CCDC85C: variants seen among roughly 807,000 people sequenced by gnomAD.
CCDC85C encodes the protein coiled-coil domain-containing protein 85C.
In CCDC85C, 18 loss-of-function variants were observed where a neutral mutation model predicts 38.3. The ratio of observed to expected loss-of-function variants is 0.47; its 90% CI spans 0.33 to 0.70. The LOEUF is 0.70. CCDC85C is among the 30% of genes least tolerant of loss of function. CCDC85C has a pLI of 0.03. For missense variants in CCDC85C, 566 were observed against 621.2 expected (o/e 0.91, Z 0.94); for synonymous variants, 264 against 293.8 (o/e 0.90, Z 1.04).
At chr14:99,587,512 A>G (rs528796669) in intron 1 of CCDC85C, among the ~76,000 whole-genome samples, 2 of 152,292 alleles carry the variant, frequency 1.3e-5, no homozygotes, top group African/African-American at 4.8e-5. Context: ...CCAAGGGTCT[A>G]CCTCACAGGG....
In CCDC85C at chr14:99,520,760, C is replaced by A. The variant is rs968467802; in HGVS notation, c.975+1373G>T. On this transcript the variant is annotated intron_variant, in intron 3 of 5. Coordinates refer to ENST00000380243, the MANE Select transcript of CCDC85C (RefSeq NM_001144995.2). The surrounding 1 kb of genome is among the most constrained non-coding windows in gnomAD (Gnocchi z 4.1). ...GCACTCACCATGGGGCCCTGGCCAT[C>A]CACCCCACCCCTGTGAGCCTCACTT... Among the ~76,000 whole-genome samples, 5 of 152,232 alleles carry A rather than the reference C, an allele frequency of 3.3e-5. No homozygotes were observed. Among genetic ancestry groups the A allele is most frequent in the Non-Finnish European group, 7.3e-5 (5 of 68,034 alleles).
chr14:99,589,212 T>C (rs778073716), intron 1 of CCDC85C, among the ~76,000 whole-genome samples: 1 of 151,172 alleles, frequency 6.6e-6, no homozygotes, highest in Admixed American at 6.6e-5. Context: ...ACGGCCGGGA[T>C]CAACAGAGTG....
intron 2 of CCDC85C, among the ~76,000 whole-genome samples, chr14:99,523,525 C>G (rs1172896861): frequency 6.6e-6 from 1 of 152,202 alleles, no homozygotes; most frequent in South Asian, 2.1e-4. Flanking sequence ...CCAGCTCCCA[C>G]GGAGCCAAGA....
At chr14:99,527,532 G>A (rs1049082430) in intron 2 of CCDC85C, among the ~76,000 whole-genome samples, 2 of 152,176 alleles carry the variant, frequency 1.3e-5, no homozygotes. Flanking sequence ...CTGGCTCCAC[G>A]GGTCTCGAGG....
intron 1 of CCDC85C, among the ~76,000 whole-genome samples, chr14:99,551,989 T>C (rs1897921186): frequency 6.6e-6 from 1 of 152,160 alleles, no homozygotes; most frequent in South Asian, 2.1e-4. Flanking sequence ...CATGTGGCAG[T>C]GAGGACCTGA....
At chr14:99,593,102 C>A (rs1490465083) in intron 1 of CCDC85C, among the ~76,000 whole-genome samples, 1 of 152,244 alleles carries the variant, frequency 6.6e-6, no homozygotes, top group Non-Finnish European at 1.5e-5. Context: ...CCAGAGCGGG[C>A]TCATTAGGGA....
In CCDC85C at chr14:99,576,794, G is replaced by A. The variant is rs976644698; in HGVS notation, c.793+26373C>T. ...ACCCTGGGGATTCAGAGGGTGGAAC[G>A]GACTATCAGTCACTCTACAGGAAAG... On this transcript the variant is annotated intron_variant, in intron 1 of 5. Coordinates refer to ENST00000380243, the MANE Select transcript of CCDC85C (RefSeq NM_001144995.2). This position sits in a 1 kb window ranked among gnomAD's most constrained non-coding sequence, Gnocchi z 4.8. Among the ~76,000 whole-genome samples the A allele has an allele frequency of 2.6e-5, 4 of 152,170 alleles. No individual in the cohort carries two copies. The highest frequency in any genetic ancestry group is 6.5e-5 in the Admixed American group (1 of 15,282).
At chr14:99,600,033 C>T (rs145080240) in intron 1 of CCDC85C, among the ~76,000 whole-genome samples, 2 of 152,364 alleles carry the variant, frequency 1.3e-5, no homozygotes, top group East Asian at 3.9e-4. Context: ...CCAGGGCACC[C>T]AGCAGGGCTG....
chr14:99,558,606 C>T lies in CCDC85C; in HGVS notation c.794-22518G>A, dbSNP rs562742528. Among the ~76,000 whole-genome samples, 2 of 152,150 alleles carry T rather than the reference C, an allele frequency of 1.3e-5. No individual in the cohort carries two copies. Among genetic ancestry groups the T allele is most frequent in the South Asian group, 2.1e-4 (1 of 4,808 alleles). On this transcript the variant is annotated intron_variant, in intron 1 of 5. Coordinates refer to ENST00000380243, the MANE Select transcript of CCDC85C (RefSeq NM_001144995.2). This position sits in a 1 kb window ranked among gnomAD's most constrained non-coding sequence, Gnocchi z 4.2. ...ACTGCACTCCAGCCTGGAGATAGAG[C>T]GAGACTCTGTCTCAAAAAAATTAAA...
In CCDC85C at chr14:99,515,096, C is replaced by T. The variant is rs1051217391; in HGVS notation, c.*150G>A. ...TTGGGCCAGTGCATCGGACCCATGG[C>T]AGCTGGGCCAGGGCGGGCAGCGTCC... is the stretch of plus-strand genomic sequence containing the variant. On this transcript the variant is annotated 3_prime_UTR_variant, in exon 6 of 6. Transcript: ENST00000380243. The T allele has an allele frequency of 8.4e-6, 5 of 595,776 alleles. No homozygotes were observed. The Admixed American group carries it at 1.6e-4, about 19-fold the overall frequency. 36.9% of individuals were successfully genotyped at this position (595,776 alleles called of 1,614,324 possible).
Position 99,500,724 on chromosome 14 carries a change from G to C in CCDC85C, c.*14522C>G, listed in dbSNP as rs143873475. The C allele has an allele frequency of 4.6e-5, 57 of 1,244,376 alleles. No individual in the cohort carries two copies. The African/African-American group carries it at 7.7e-4, about 17-fold the overall frequency. The allele number at this position is 1,244,376 out of a possible 1,614,324, so 77.1% of individuals were successfully genotyped here. On this transcript the variant is annotated 3_prime_UTR_variant, in exon 6 of 6. Transcript: ENST00000380243. The stretch of plus-strand genomic sequence containing the variant: ...ACTTTTGTAATGCTGCTTGAGACCT[G>C]CAATTGTAATTACTGTCCTAACATT...
rs1024664370 is a variant in CCDC85C, at chr14:99,548,296, T to A, written c.794-12208A>T. Among the ~76,000 whole-genome samples, 2 of 151,764 alleles carry A rather than the reference T, an allele frequency of 1.3e-5. No individual in the cohort carries two copies. The highest frequency in any genetic ancestry group is 4.8e-5 in the African/African-American group (2 of 41,312). On this transcript the variant is annotated intron_variant, in intron 1 of 5. Coordinates refer to ENST00000380243, the MANE Select transcript of CCDC85C (RefSeq NM_001144995.2). This position sits in a 1 kb window ranked among gnomAD's most constrained non-coding sequence, Gnocchi z 4.9. ...ACGAATCCTGGATAGCCAAGAAGTC[T>A]GTGAGGAGACGCCCAACCGCAGGTG...
chr14:99,549,632 C>A (rs140373470), intron 1 of CCDC85C, among the ~76,000 whole-genome samples: 1 of 152,174 alleles, frequency 6.6e-6, no homozygotes, highest in Admixed American at 6.5e-5. Context: ...GGGTCTCCTG[C>A]GAGACACTGT....
At chr14:99,586,375 T>C (rs2055025834) in intron 1 of CCDC85C, among the ~76,000 whole-genome samples, 1 of 152,212 alleles carries the variant, frequency 6.6e-6, no homozygotes, top group African/African-American at 2.4e-5. Context: ...CTGAAGAAGA[T>C]GGCCCAGCCT....
At position 99,505,865 on chromosome 14, in the gene CCDC85C, A is replaced by T. The variant is rs1896960475; in HGVS notation, c.*9381T>A. 1 of 152,310 alleles carries T rather than the reference A, an allele frequency of 6.6e-6. No individual in the cohort carries two copies. The highest frequency in any genetic ancestry group is 2.4e-5 in the African/African-American group (1 of 41,458). The allele number at this position is 152,310 out of a possible 1,614,324, so 9.4% of individuals were successfully genotyped here. On this transcript the variant is annotated 3_prime_UTR_variant, in exon 6 of 6. Transcript: ENST00000380243. ...GAGCGAGACCCTGTCTCAAAAAATAAAATGGCTCCTGGAAAGTTTAAAATT... is the reference window on the plus strand; with the variant it reads ...GAGCGAGACCCTGTCTCAAAAAATATAATGGCTCCTGGAAAGTTTAAAATT...
Position 99,548,272 on chromosome 14 carries a change from C to T in CCDC85C, c.794-12184G>A, listed in dbSNP as rs181171381. ...ATAGGAAGAGGAGAGCCACAAAAGA[C>T]GAATCCTGGATAGCCAAGAAGTCTG... On this transcript the variant is annotated intron_variant, in intron 1 of 5. Coordinates refer to ENST00000380243, the MANE Select transcript of CCDC85C (RefSeq NM_001144995.2). The surrounding 1 kb of genome is among the most constrained non-coding windows in gnomAD (Gnocchi z 4.9). 2.1e-3 allele frequency among the ~76,000 whole-genome samples: 324 copies of T among 152,218 alleles called. 2 individuals carry two copies. The highest frequency in any genetic ancestry group is 0.01 in the Middle Eastern group (3 of 294).
chr14:99,536,534 G>GC (rs554487019), intron 1 of CCDC85C, among the ~76,000 whole-genome samples: 11 of 145,880 alleles, frequency 7.5e-5, no homozygotes, highest in Admixed American at 6.7e-4. Flanking sequence ...GGTCCGGGGA[G>GC]CCCCCTCCTC....
chr14:99,533,157 AG>A lies in CCDC85C; in HGVS notation c.867+2857del, dbSNP rs1897526560. Among the ~76,000 whole-genome samples the A allele has an allele frequency of 6.6e-6, 1 of 152,146 alleles. No individual in the cohort carries two copies. The highest frequency in any genetic ancestry group is 2.1e-4 in the South Asian group (1 of 4,834). Reference sequence around the variant, plus strand: ...TCCTGGAGCCTTTGTTATGAGGTTCAGGGGCCTCCACTGCAGCATGGGGACA... The same window carrying A: ...TCCTGGAGCCTTTGTTATGAGGTTCAGGGCCTCCACTGCAGCATGGGGACA... On this transcript the variant is annotated intron_variant, in intron 2 of 5. Coordinates refer to ENST00000380243, the MANE Select transcript of CCDC85C (RefSeq NM_001144995.2). This position sits in a 1 kb window ranked among gnomAD's most constrained non-coding sequence, Gnocchi z 4.2.
Position 99,535,977 on chromosome 14 carries a change from C to T in CCDC85C, c.867+38G>A. 6.0e-6 allele frequency: 9 copies of T among 1,494,106 alleles called. No homozygotes were observed. Among genetic ancestry groups the T allele is most frequent in the South Asian group, 2.4e-5 (2 of 82,942 alleles). 92.6% of individuals were successfully genotyped at this position (1,494,106 alleles called of 1,614,324 possible). ...TGAGCTGGAGGGGTGGGTGCTGGGT[C>T]GCGGTCCTCAAGGCAGCGCCACCCG... On this transcript the variant is annotated intron_variant, in intron 2 of 5. Coordinates refer to ENST00000380243, the MANE Select transcript of CCDC85C (RefSeq NM_001144995.2). The surrounding 1 kb of genome is among the most constrained non-coding windows in gnomAD (Gnocchi z 5.5).
Sources: gnomAD v4.1 joint callset for allele counts (sites outside exome capture counted in the v4.1 genomes callset) on GRCh38, gnomAD v4.1.1 for gene constraint, Gnocchi (gnomAD v3.1) non-coding constraint, MANE v1.5 for transcripts, NCBI Gene and HGNC (gene_info 2026-07-23, HGNC 2026-07-21) for gene names.